The following LMNA variants were observed in gnomAD, a reference collection of about 807,000 sequenced individuals.
LMNA encodes lamin A/C, also known as lamin.
A neutral mutation model predicts 70.4 loss-of-function variants in LMNA; 20 were observed. That is an observed-to-expected ratio of 0.28 (90% CI 0.20 to 0.41). LMNA has a LOEUF of 0.41. LMNA is among the 10% of genes least tolerant of loss of function. The probability of loss-of-function intolerance (pLI) is 1.00; values close to 1 mark genes in which losing one functional copy is unlikely to be tolerated. For missense variants in LMNA, 652 were observed against 917.2 expected, an observed-to-expected ratio of 0.71 and a Z score of 3.73; for synonymous variants, 339 against 372.8, an observed-to-expected ratio of 0.91 and a Z score of 1.04.
chr1:156,102,819 G>C (rs1409055181), intron 3 of LMNA, among the ~76,000 whole-genome samples: 4 of 152,194 alleles, frequency 2.6e-5, no homozygotes, highest in African/African-American at 4.8e-5. Context: ...TTTCCGATGG[G>C]AGTTTGGAAA....
chr1:156,134,549 G>A lies in LMNA; in HGVS notation c.639+21G>A, dbSNP rs776868808. 1.2e-6 allele frequency: 2 copies of A among 1,613,532 alleles called. No homozygotes were observed. The highest frequency in any genetic ancestry group is 3.3e-5 in the Admixed American group (2 of 60,012). The stretch of plus-strand genomic sequence containing the variant: ...GTGAGGTGGGGACTGTGCTTTGCAA[G>A]CCAGAGGGCTGGGGCTGGGTGATGA... On this transcript the variant is annotated intron_variant, in intron 3 of 11. Transcript: ENST00000368300. The surrounding 1 kb of genome is among the most constrained non-coding windows in gnomAD (Gnocchi z 5.3).
intron 1 of LMNA, chr1:156,126,875 C>T (rs1006290757): frequency 6.2e-7 from 1 of 1,611,514 alleles, no homozygotes; most frequent in African/African-American, 1.3e-5. Context: ...GGCACAGCAC[C>T]CGGCCTGGGG....
chr1:156,137,822 C>T lies in LMNA; in HGVS notation c.1698+79C>T. ...CCTGGGGGCAGCCTCTCCCCAGCCT[C>T]CCCGTGCCAAAAATCTTTTCATTAA... On this transcript the variant is annotated intron_variant, in intron 10 of 11. Coordinates refer to ENST00000368300, the MANE Select transcript of LMNA (RefSeq NM_170707.4). This position sits in a 1 kb window ranked among gnomAD's most constrained non-coding sequence, Gnocchi z 4.6. 1.3e-6 allele frequency: 2 copies of T among 1,541,424 alleles called. No individual in the cohort carries two copies. The highest frequency in any genetic ancestry group is 8.7e-7 in the Non-Finnish European group (1 of 1,145,348).
At chr1:156,123,468 C>A (rs1650339302) in intron 1 of LMNA, 1 of 152,212 alleles carries the variant, frequency 6.6e-6, no homozygotes, top group African/African-American at 2.4e-5. Context: ...GGGTTAATAA[C>A]TATGTGCCAC....
Position 156,138,834 on chromosome 1 carries a change from CA to C in LMNA, c.1968+78del. 3 of 1,582,844 alleles carry C rather than the reference CA, an allele frequency of 1.9e-6. No homozygotes were observed. Among genetic ancestry groups the C allele is most frequent in the South Asian group, 1.1e-5 (1 of 89,926 alleles). On this transcript the variant is annotated intron_variant, in intron 11 of 11. Transcript: ENST00000368300. This position sits in a 1 kb window ranked among gnomAD's most constrained non-coding sequence, Gnocchi z 5.5. ...CGAGGGGTAGGACGAGGTGGCCTTG[CA>C]GGGGGGAGAGCCTGCCTTCTCTTCC...
At chr1:156,129,452 A>G (rs149062080) in intron 1 of LMNA, among the ~76,000 whole-genome samples, 1 of 152,230 alleles carries the variant, frequency 6.6e-6, no homozygotes, top group African/African-American at 2.4e-5. Flanking sequence ...TAGAAGAAAA[A>G]TGTTGGCAGG....
chr1:156,117,245 G>GT (rs1649896899), intron 1 of LMNA, among the ~76,000 whole-genome samples: 1 of 150,068 alleles, frequency 6.7e-6, no homozygotes, highest in South Asian at 2.1e-4. Flanking sequence ...CCTTTATTTT[G>GT]TTTTTTTGAG....
At chr1:156,097,992 C>T (rs1558109102) in intron 3 of LMNA, among the ~76,000 whole-genome samples, 1 of 152,178 alleles carries the variant, frequency 6.6e-6, no homozygotes, top group Non-Finnish European at 1.5e-5. Flanking sequence ...ACACCACCCA[C>T]CACCATCACC....
rs764535819 is a variant in LMNA, at chr1:156,115,292, G to T, written c.356+18G>T. The T allele has an allele frequency of 8.8e-6, 14 of 1,590,020 alleles. No homozygotes were observed. The highest frequency in any genetic ancestry group is 1.1e-5 in the Non-Finnish European group (13 of 1,173,196). On this transcript the variant is annotated intron_variant, in intron 1 of 11. Transcript: ENST00000368300. This position sits in a 1 kb window ranked among gnomAD's most constrained non-coding sequence, Gnocchi z 5.8. The stretch of plus-strand genomic sequence containing the variant: ...AAAGCGCGGTGAGTTCGCCCAGGTG[G>T]CTGCGTGCCTGGCGGGGAGTGGAGA...
chr1:156,086,426 T>TC (rs1375166588), intron 2 of LMNA, among the ~76,000 whole-genome samples: 3 of 95,814 alleles, frequency 3.1e-5, no homozygotes, highest in African/African-American at 9.1e-5. Context: ...CTCTCTCTCT[T>TC]TTGTCTTTCT....
intron 2 of LMNA, among the ~76,000 whole-genome samples, chr1:156,132,817 G>A (rs1219202892): frequency 7.0e-6 from 1 of 143,096 alleles, no homozygotes; most frequent in Non-Finnish European, 1.5e-5. Flanking sequence ...ATAGAGCCAT[G>A]TTCTCCTCTC....
Position 156,091,991 on chromosome 1 carries a change from C to T in LMNA, c.-207+1409C>T, listed in dbSNP as rs574587844. 4.0e-5 allele frequency among the ~76,000 whole-genome samples: 6 copies of T among 151,824 alleles called. No individual in the cohort carries two copies. The South Asian group carries it at 6.3e-4, about 16-fold the overall frequency. On this transcript the variant is annotated intron_variant, in intron 3 of 12. Transcript: ENST00000368301. ...GGAGTGCAGTGGCATGATTTTGGCT[C>T]ACTGCAACCTCCGCCTCCTGGGTTC...
chr1:156,138,356 G>A lies in LMNA; in HGVS notation c.1699-132G>A, dbSNP rs1207000217. ...CTAGCCTCCCAAACCCCCATTGCCC[G>A]CTGGCTCCTTGGGCACAGAACCACA... On this transcript the variant is annotated intron_variant, in intron 10 of 11. Transcript: ENST00000368300. The surrounding 1 kb of genome is among the most constrained non-coding windows in gnomAD (Gnocchi z 5.5). 9.8e-6 allele frequency: 10 copies of A among 1,021,704 alleles called. No homozygotes were observed. The highest frequency in any genetic ancestry group is 2.6e-5 in the East Asian group (1 of 38,176). The allele number at this position is 1,021,704 out of a possible 1,614,324, so 63.3% of individuals were successfully genotyped here. A position where few individuals can be genotyped will look rare whatever the true frequency, so the allele number is the denominator to read the frequency against.
At chr1:156,117,969 A>ATTTTTTTTTTTTTTTTTT (rs1186679791) in intron 1 of LMNA, among the ~76,000 whole-genome samples, 2 of 91,910 alleles carry the variant, frequency 2.2e-5, no homozygotes, top group African/African-American at 4.4e-5. Context: ...CGCTTGGCTA[A>ATTTTTTTTTTTTTTTTTT]TTTTTTTTTT....
chr1:156,111,910 G>A (rs1649554412), upstream of LMNA, among the ~76,000 whole-genome samples: 1 of 152,210 alleles, frequency 6.6e-6, no homozygotes, highest in Admixed American at 6.5e-5. Flanking sequence ...TGCTGCTTCT[G>A]GGTTGGTGAT....
At position 156,138,733 on chromosome 1, in the gene LMNA, G is replaced by A. The variant is rs780291249; in HGVS notation, c.1944G>A (p.Leu648=). 1.2e-5 allele frequency: 20 copies of A among 1,613,470 alleles called. No individual in the cohort carries two copies. The highest frequency in any genetic ancestry group is 1.6e-5 in the Non-Finnish European group (19 of 1,180,008). ...ATCTGGTCACCCGCTCCTACCTCCTGGGCAACTCCAGCCCCCGAACCCAGG... is the reference window on the plus strand; with the variant it reads ...ATCTGGTCACCCGCTCCTACCTCCTAGGCAACTCCAGCCCCCGAACCCAGG... ...GDNLVTRSYL[L]GNSSPRTQSP... is the part of the protein sequence containing the mutation. Residue 648 remains leucine, a synonymous_variant, in exon 11 of 12, where the codon CTG becomes CTA. Coordinates refer to ENST00000368300, the MANE Select transcript of LMNA (RefSeq NM_170707.4). The surrounding 1 kb of genome is among the most constrained non-coding windows in gnomAD (Gnocchi z 5.5).
chr1:156,135,053 T>C lies in LMNA; in HGVS notation c.810+78T>C. 2 of 1,611,276 alleles carry C rather than the reference T, an allele frequency of 1.2e-6. No individual in the cohort carries two copies. The highest frequency in any genetic ancestry group is 1.7e-6 in the Non-Finnish European group (2 of 1,177,914). ...CTTACCCACGCTGGGCTATGCCTTC[T>C]GGGGATCAGGCAGATGGTGGCAGGG... On this transcript the variant is annotated intron_variant, in intron 4 of 11. Coordinates refer to ENST00000368300, the MANE Select transcript of LMNA (RefSeq NM_170707.4). This position sits in a 1 kb window ranked among gnomAD's most constrained non-coding sequence, Gnocchi z 4.8.
At chr1:156,098,805 G>A (rs1649037697) in intron 3 of LMNA, among the ~76,000 whole-genome samples, 1 of 152,162 alleles carries the variant, frequency 6.6e-6, no homozygotes, top group Non-Finnish European at 1.5e-5. Context: ...AAGGTAAGGG[G>A]TAAGCCATGA....
chr1:156,106,206 C>G (rs1479493546), intron 3 of LMNA, among the ~76,000 whole-genome samples: 1 of 152,206 alleles, frequency 6.6e-6, no homozygotes, highest in Non-Finnish European at 1.5e-5. Context: ...ATTGCCCACC[C>G]TAGTTTCAGG....
Sources: gnomAD v4.1 joint callset for allele counts (sites outside exome capture counted in the v4.1 genomes callset) on GRCh38, gnomAD v4.1.1 for gene constraint, Gnocchi (gnomAD v3.1) non-coding constraint, MANE v1.5 for transcripts, NCBI Gene and HGNC (gene_info 2026-07-23, HGNC 2026-07-21) for gene names.